Variants in TEC observed in about 807,000 individuals in gnomAD.
TEC encodes the protein tec protein tyrosine kinase, also known as tyrosine-protein kinase Tec.
Under a neutral mutation model 93.0 loss-of-function variants are expected in TEC, and 72 were observed. That is an observed-to-expected ratio of 0.77 (90% CI 0.64 to 0.94). The LOEUF (loss-of-function observed/expected upper bound fraction) is 0.94, where lower values mean the gene tolerates loss of function less well. TEC is among the 40% of genes least tolerant of loss of function. TEC has a pLI of 0.00. For synonymous variants in TEC, 249 were observed against 247.7 expected, an observed-to-expected ratio of 1.01 and a Z score of -0.05; for missense variants, 630 against 757.9, an observed-to-expected ratio of 0.83 and a Z score of 1.98.
intron 1 of TEC, among the ~76,000 whole-genome samples, chr4:48,231,244 T>A (rs1236061865): frequency 6.6e-6 from 1 of 152,192 alleles, no homozygotes; most frequent in African/African-American, 2.4e-5. Flanking sequence ...CAGTAGCAGC[T>A]AAACCACAGA....
At chr4:48,259,641 AG>A (rs754731772) in intron 1 of TEC, among the ~76,000 whole-genome samples, 7 of 151,492 alleles carry the variant, frequency 4.6e-5, no homozygotes, top group Admixed American at 4.0e-4. Flanking sequence ...TCCTAAACCC[AG>A]GAGGTGAAGA....
chr4:48,177,859 C>T (rs187740336), intron 2 of TEC, among the ~76,000 whole-genome samples: 1 of 152,146 alleles, frequency 6.6e-6, no homozygotes, highest in African/African-American at 2.4e-5. Context: ...TTCCCTTTTA[C>T]TCATTTCTGC....
At position 48,148,098 on chromosome 4, in the gene TEC, G is replaced by A. The variant is rs573495507; in HGVS notation, c.1006+1459C>T. ...TGGGGCTGGGCTGGTGAAGGGGGAT[G>A]GGATGACAATTATTTGACACAAGAT... On this transcript the variant is annotated intron_variant, in intron 11 of 17. Coordinates refer to ENST00000381501, the MANE Select transcript of TEC (RefSeq NM_003215.3). Among the ~76,000 whole-genome samples, 12 of 152,192 alleles carry A rather than the reference G, an allele frequency of 7.9e-5. No individual in the cohort carries two copies. The South Asian group carries it at 2.5e-3, about 32-fold the overall frequency.
At chr4:48,215,526 T>C (rs1372592589) in intron 2 of TEC, among the ~76,000 whole-genome samples, 1 of 152,092 alleles carries the variant, frequency 6.6e-6, no homozygotes. Flanking sequence ...ATTAATTAAA[T>C]AAATAAAATA....
At chr4:48,182,535 CTG>C (rs60434609) in intron 2 of TEC, among the ~76,000 whole-genome samples, 19,673 of 147,186 alleles carry the variant, frequency 0.13, 1,415 homozygotes, top group East Asian at 0.34. Flanking sequence ...GGGCAATACT[CTG>C]TGTGTGTGTG....
At chr4:48,245,511 G>A (rs1724031475) in intron 1 of TEC, among the ~76,000 whole-genome samples, 1 of 152,126 alleles carries the variant, frequency 6.6e-6, no homozygotes, top group African/African-American at 2.4e-5. Flanking sequence ...TTTATACACA[G>A]AAAACACTTA....
chr4:48,245,965 C>G (rs1480998657), intron 1 of TEC, among the ~76,000 whole-genome samples: 2 of 151,928 alleles, frequency 1.3e-5, no homozygotes, highest in Admixed American at 1.3e-4. Flanking sequence ...CAAAATTATC[C>G]TGGCATGGTG....
intron 1 of TEC, among the ~76,000 whole-genome samples, chr4:48,268,035 C>G (rs1276916572): frequency 6.6e-6 from 1 of 152,226 alleles, no homozygotes; most frequent in African/African-American, 2.4e-5. Flanking sequence ...GCTCACAACC[C>G]TTCCAACCTC....
intron 2 of TEC, among the ~76,000 whole-genome samples, chr4:48,226,481 G>A (rs1312436035): frequency 6.6e-6 from 1 of 152,004 alleles, no homozygotes. Context: ...CCTACTCAAC[G>A]TGAAGATGGC....
chr4:48,194,829 T>C (rs1722236644), intron 2 of TEC, among the ~76,000 whole-genome samples: 3 of 152,194 alleles, frequency 2.0e-5, no homozygotes, highest in African/African-American at 2.4e-5. Flanking sequence ...TTCCATGGGT[T>C]TTTGTGGGTT....
chr4:48,161,309 C>G (rs1333712760), intron 8 of TEC, among the ~76,000 whole-genome samples: 1 of 151,464 alleles, frequency 6.6e-6, no homozygotes, highest in Admixed American at 6.5e-5. Flanking sequence ...TAAGCTTTTT[C>G]CAGTCCTAAG....
intron 2 of TEC, among the ~76,000 whole-genome samples, chr4:48,182,322 C>G (rs535469011): frequency 4.0e-4 from 61 of 151,810 alleles, no homozygotes; most frequent in Middle Eastern, 6.8e-3. Context: ...GGGAAATATC[C>G]AAGGTCATTA....
At chr4:48,149,912 T>C (rs921486886) in intron 10 of TEC, among the ~76,000 whole-genome samples, 5 of 152,230 alleles carry the variant, frequency 3.3e-5, no homozygotes, top group African/African-American at 1.2e-4. Flanking sequence ...TTGCATGAGA[T>C]TTTGAAAGAG....
At chr4:48,231,659 A>G (rs1177341279) in intron 1 of TEC, among the ~76,000 whole-genome samples, 1 of 152,122 alleles carries the variant, frequency 6.6e-6, no homozygotes, top group African/African-American at 2.4e-5. Context: ...CGGGAAGCTG[A>G]GGCAGGAGAA....
chr4:48,176,961 T>C (rs1053798671), intron 2 of TEC, among the ~76,000 whole-genome samples: 3 of 152,210 alleles, frequency 2.0e-5, no homozygotes, highest in Non-Finnish European at 2.9e-5. Flanking sequence ...AATTGAGAGT[T>C]ATGTGAGGTG....
At chr4:48,245,245 A>T (rs1316351047) in intron 1 of TEC, among the ~76,000 whole-genome samples, 1 of 151,810 alleles carries the variant, frequency 6.6e-6, no homozygotes, top group Non-Finnish European at 1.5e-5. Context: ...GTGAGCCGAG[A>T]TCGCGCCACG....
chr4:48,144,541 T>C (rs1719822932), intron 14 of TEC, among the ~76,000 whole-genome samples: 1 of 152,194 alleles, frequency 6.6e-6, no homozygotes, highest in South Asian at 2.1e-4. Flanking sequence ...TCCATCATAA[T>C]TTAGAACTGG....
At chr4:48,256,879 A>C (rs1165482046) in intron 1 of TEC, among the ~76,000 whole-genome samples, 1 of 152,206 alleles carries the variant, frequency 6.6e-6, no homozygotes, top group Non-Finnish European at 1.5e-5. Flanking sequence ...GGAGACAAAG[A>C]ATACCTTTTG....
At chr4:48,208,308 T>C (rs1722782275) in intron 2 of TEC, among the ~76,000 whole-genome samples, 1 of 152,230 alleles carries the variant, frequency 6.6e-6, no homozygotes, top group African/African-American at 2.4e-5. Flanking sequence ...AAGATCACAC[T>C]GGCTAGCAGA....
Sources: allele counts gnomAD v4.1 joint callset (sites outside exome capture counted in the v4.1 genomes callset), GRCh38; gene constraint gnomAD v4.1.1; transcripts MANE v1.5; gene names NCBI Gene and HGNC (gene_info 2026-07-23, HGNC 2026-07-21).